The following HIPK3 variants were observed in gnomAD, a reference collection of about 807,000 sequenced individuals.
The protein encoded by HIPK3 is homeodomain interacting protein kinase 3.
HIPK3 carries 47 observed loss-of-function variants against 124.2 expected under a neutral mutation model. The ratio of observed to expected loss-of-function variants is 0.38; its 90% CI spans 0.30 to 0.48. HIPK3 has a LOEUF of 0.48. HIPK3 is among the 20% of genes least tolerant of loss of function. The probability of loss-of-function intolerance (pLI) is 0.98; values close to 1 mark genes in which losing one functional copy is unlikely to be tolerated. For missense variants in HIPK3, 1,286 were observed against 1,454.3 expected, an observed-to-expected ratio of 0.88 and a Z score of 1.88; for synonymous variants, 482 against 515.2, an observed-to-expected ratio of 0.94 and a Z score of 0.87.
At position 33,328,554 on chromosome 11, in the gene HIPK3, A is replaced by C. The variant is rs1852876640; in HGVS notation, c.1142A>C (p.Asp381Ala). ...ILGLPFCEAI[D>A]MWSLGCVIAE... ...GGGTTGCCATTTTGTGAAGCCATAG[A>C]CATGTGGTCATTGGGATGTGTGATT... Residue 381 changes from aspartate to alanine, a missense_variant, in exon 3 of 17, where the codon GAC (aspartate) becomes GCC (alanine). Around this residue, in one of 3 missense-constraint regions of HIPK3, gnomAD observed 251 missense variants for 349.1 expected, o/e 0.72. Coordinates refer to ENST00000303296, the MANE Select transcript of HIPK3 (RefSeq NM_005734.5). 1.2e-6 allele frequency: 2 copies of C among 1,613,448 alleles called. No homozygotes were observed. Among genetic ancestry groups the C allele is most frequent in the Non-Finnish European group, 1.7e-6 (2 of 1,179,572 alleles).
At chr11:33,345,810 T>C (rs1250093000) in intron 8 of HIPK3, among the ~76,000 whole-genome samples, 1 of 152,094 alleles carries the variant, frequency 6.6e-6, no homozygotes, top group Non-Finnish European at 1.5e-5. Context: ...CCTGGTATGG[T>C]AGTAAGGTAA....
intron 2 of HIPK3, among the ~76,000 whole-genome samples, chr11:33,294,018 T>G (rs889108031): frequency 6.6e-6 from 1 of 151,682 alleles, no homozygotes; most frequent in African/African-American, 2.4e-5. Context: ...AATGCAAAAA[T>G]TGGCCGGGCA....
At chr11:33,258,296 C>T in intron 1 of HIPK3, 1 of 985,310 alleles carries the variant, frequency 1.0e-6, no homozygotes, top group Non-Finnish European at 1.2e-6. Context: ...TCCCCCTCCG[C>T]AGTCCTAGGC....
At chr11:33,260,346 T>C (rs1380870966) in intron 1 of HIPK3, among the ~76,000 whole-genome samples, 2 of 152,182 alleles carry the variant, frequency 1.3e-5, no homozygotes, top group East Asian at 1.9e-4. Flanking sequence ...GATTGAACTT[T>C]TGTTTTTAAT....
intron 2 of HIPK3, among the ~76,000 whole-genome samples, chr11:33,318,766 A>G (rs527457164): frequency 6.6e-6 from 1 of 152,380 alleles, no homozygotes; most frequent in South Asian, 2.1e-4. Flanking sequence ...CTCACGTTAT[A>G]TAACTATTAG....
Position 33,340,959 on chromosome 11 carries a change from CT to C in HIPK3, c.1614-5del. Reference sequence around the variant, plus strand: ...TAATACTGTAATACCTTCACTTTTTCTTTTACAGTGTAAAGTCCTGTTTTCA... The same window carrying C: ...TAATACTGTAATACCTTCACTTTTTCTTTACAGTGTAAAGTCCTGTTTTCA... On this transcript the variant is annotated splice_region_variant and splice_polypyrimidine_tract_variant and intron_variant, in intron 6 of 16. Transcript: ENST00000303296. 1 of 1,519,896 alleles carries C rather than the reference CT, an allele frequency of 6.6e-7. No individual in the cohort carries two copies. The highest frequency in any genetic ancestry group is 9.0e-7 in the Non-Finnish European group (1 of 1,112,556). 94.2% of individuals were successfully genotyped at this position (1,519,896 alleles called of 1,614,324 possible). A position where few individuals can be genotyped will look rare whatever the true frequency, so the allele number is the denominator to read the frequency against.
At chr11:33,315,751 T>C (rs993819744) in intron 2 of HIPK3, among the ~76,000 whole-genome samples, 1 of 152,258 alleles carries the variant, frequency 6.6e-6, no homozygotes, top group African/African-American at 2.4e-5. Context: ...TATTGGGCTG[T>C]GAACTATATT....
At chr11:33,282,455 G>T (rs939040637) in intron 1 of HIPK3, among the ~76,000 whole-genome samples, 2 of 152,166 alleles carry the variant, frequency 1.3e-5, no homozygotes, top group African/African-American at 2.4e-5. Flanking sequence ...GCCAAGGTGG[G>T]TGGATTACTT....
intron 1 of HIPK3, among the ~76,000 whole-genome samples, chr11:33,273,045 G>T (rs1369088848): frequency 2.6e-5 from 4 of 151,200 alleles, no homozygotes; most frequent in Non-Finnish European, 4.4e-5. Flanking sequence ...TCTTGCCCAG[G>T]ATGATCTTAA....
At chr11:33,282,480 G>A (rs896077802) in intron 1 of HIPK3, among the ~76,000 whole-genome samples, 11 of 152,088 alleles carry the variant, frequency 7.2e-5, no homozygotes, top group South Asian at 6.2e-4. Context: ...CCAGGAGTTC[G>A]AGACCAGCTT....
Position 33,257,728 on chromosome 11 carries a change from G to C in HIPK3, c.-164G>C. 1 of 989,438 alleles carries C rather than the reference G, an allele frequency of 1.0e-6. No individual in the cohort carries two copies. The highest frequency in any genetic ancestry group is 1.7e-5 in the African/African-American group (1 of 57,412). The allele number at this position is 989,438 out of a possible 1,614,324, so 61.3% of individuals were successfully genotyped here. On this transcript the variant is annotated 5_prime_UTR_variant, in exon 1 of 17. Coordinates refer to ENST00000303296, the MANE Select transcript of HIPK3 (RefSeq NM_005734.5). ...TTTCGCCGTTTCCTCTCAGCCGCCA[G>C]GACAAGATGGCAGCGGCCGCGGAGA... is the stretch of plus-strand genomic sequence containing the variant.
At chr11:33,284,134 G>A (rs1392818089) in intron 1 of HIPK3, among the ~76,000 whole-genome samples, 1 of 152,172 alleles carries the variant, frequency 6.6e-6, no homozygotes, top group East Asian at 1.9e-4. Context: ...TGGATTCTGA[G>A]TTAAAGAACT....
In HIPK3 at chr11:33,290,659, T is replaced by C. The variant is rs547454701; in HGVS notation, c.1097+3148T>C. ...AAAAGTCTTTTTTTTTTTTAATACT[T>C]GAGAATGTCTGTCGGTTTACTAAAT... On this transcript the variant is annotated intron_variant, in intron 2 of 16. Coordinates refer to ENST00000303296, the MANE Select transcript of HIPK3 (RefSeq NM_005734.5). 1.2e-4 allele frequency among the ~76,000 whole-genome samples: 18 copies of C among 151,824 alleles called. No homozygotes were observed. In the East Asian group the frequency reaches 2.7e-3, roughly 23 times the overall value.
At position 33,348,255 on chromosome 11, in the gene HIPK3, A is replaced by T. The variant is rs201417496; in HGVS notation, c.2369+27A>T. 2.2e-3 allele frequency: 3,552 copies of T among 1,589,824 alleles called. 9 individuals carry two copies. The highest frequency in any genetic ancestry group is 2.8e-3 in the Non-Finnish European group (3,243 of 1,159,446). On this transcript the variant is annotated intron_variant, in intron 12 of 16. Transcript: ENST00000303296. Reference sequence around the variant, plus strand: ...TAAGATTGTCTTTATTGCCCTTTTGATTTATTATCTACCTGTAATGTAGCA... The same window carrying T: ...TAAGATTGTCTTTATTGCCCTTTTGTTTTATTATCTACCTGTAATGTAGCA...
intron 2 of HIPK3, among the ~76,000 whole-genome samples, chr11:33,322,390 A>G (rs1174799401): frequency 2.0e-5 from 3 of 152,168 alleles, no homozygotes; most frequent in Admixed American, 6.5e-5. Context: ...GTTCTTTTAT[A>G]TTGGATTGCC....
At chr11:33,268,988 T>A (rs1282474081) in intron 1 of HIPK3, among the ~76,000 whole-genome samples, 2 of 152,244 alleles carry the variant, frequency 1.3e-5, no homozygotes, top group Non-Finnish European at 2.9e-5. Context: ...TCCTTAAGTT[T>A]AGGGACCATG....
At chr11:33,295,583 C>G (rs992905914) in intron 2 of HIPK3, among the ~76,000 whole-genome samples, 15 of 152,264 alleles carry the variant, frequency 9.9e-5, no homozygotes, top group Non-Finnish European at 1.5e-4. Context: ...AGGTTAAGGC[C>G]CGACAGCTGC....
intron 1 of HIPK3, among the ~76,000 whole-genome samples, chr11:33,276,338 A>C (rs60973588): frequency 0.072 from 10,975 of 152,216 alleles, 821 homozygotes; most frequent in African/African-American, 0.19. Context: ...GACCTTTTGA[A>C]GAATACTGCC....
chr11:33,271,410 C>CA (rs1220667865), intron 1 of HIPK3, among the ~76,000 whole-genome samples: 3 of 151,908 alleles, frequency 2.0e-5, no homozygotes, highest in Admixed American at 2.0e-4. Context: ...AACAAAAATA[C>CA]AAAAAATTAA....
Sources: allele counts gnomAD v4.1 joint callset (sites outside exome capture counted in the v4.1 genomes callset), GRCh38; gene constraint gnomAD v4.1.1; regional missense constraint gnomAD v4.1.1; transcripts MANE v1.5; gene names NCBI Gene and HGNC (gene_info 2026-07-23, HGNC 2026-07-21).